The following RASAL2 variants were observed in gnomAD, a reference collection of about 807,000 sequenced individuals.
The protein encoded by RASAL2 is ras GTPase-activating protein nGAP.
In RASAL2, 58 loss-of-function variants were observed where a neutral mutation model predicts 128.9. The ratio of observed to expected loss-of-function variants is 0.45; its 90% CI spans 0.36 to 0.56. The LOEUF (loss-of-function observed/expected upper bound fraction) is 0.56, where lower values mean the gene tolerates loss of function less well. Ranked by LOEUF, RASAL2 falls within the 20% of genes least tolerant of loss-of-function variation. The pLI is 0.00. For missense variants in RASAL2, 1,360 were observed against 1,601.6 expected, an observed-to-expected ratio of 0.85 and a Z score of 2.57; for synonymous variants, 561 against 580.8, an observed-to-expected ratio of 0.97 and a Z score of 0.49.
intron 1 of RASAL2, among the ~76,000 whole-genome samples, chr1:178,236,158 C>G (rs887335987): frequency 1.3e-5 from 2 of 151,984 alleles, no homozygotes; most frequent in African/African-American, 4.8e-5. Flanking sequence ...ATATTAGGTG[C>G]AAAGGATCTG....
At position 178,467,375 on chromosome 1, in the gene RASAL2, A is replaced by G. The variant is rs1647833522; in HGVS notation, c.3632A>G (p.Glu1211Gly). ...VEEELKKDHA[E>G]MQAVIDAKQK... The stretch of plus-strand genomic sequence containing the variant: ...GAGGAACTGAAGAAGGATCATGCTG[A>G]GATGCAAGCAGTTATTGATGCAAAG... Residue 1211 changes from glutamate to glycine, a missense_variant, in exon 17 of 18, where the codon GAG becomes GGG. Physicochemically the swap from Glu to Gly is moderately conservative, Grantham distance 98. This residue lies in a region of RASAL2 where 741 missense variants were observed against 868.6 expected (regional missense o/e 0.85). Coordinates refer to ENST00000367649, the MANE Select transcript of RASAL2 (RefSeq NM_170692.4). 6.2e-7 allele frequency: 1 copy of G among 1,614,212 alleles called. No homozygotes were observed. Among genetic ancestry groups the G allele is most frequent in the Non-Finnish European group, 8.5e-7 (1 of 1,180,030 alleles).
At chr1:178,463,840 T>C (rs1647360253) in intron 14 of RASAL2, among the ~76,000 whole-genome samples, 1 of 152,198 alleles carries the variant, frequency 6.6e-6, no homozygotes, top group South Asian at 2.1e-4. Flanking sequence ...TCTGATTGTG[T>C]CTGGGCTAAA....
intron 1 of RASAL2, among the ~76,000 whole-genome samples, chr1:178,261,130 GA>G (rs1665674599): frequency 6.6e-6 from 1 of 152,212 alleles, no homozygotes; most frequent in African/African-American, 2.4e-5. Flanking sequence ...TAGTCTCTGT[GA>G]ATTCTCCCTT....
chr1:178,210,323 A>G (rs1663209353), intron 1 of RASAL2, among the ~76,000 whole-genome samples: 1 of 152,182 alleles, frequency 6.6e-6, no homozygotes, highest in South Asian at 2.1e-4. Context: ...TGTAATTCAA[A>G]CACATCATAT....
In RASAL2 at chr1:178,254,529, A is replaced by G. The variant is rs145322428; in HGVS notation, c.203-29035A>G. 8.3e-4 allele frequency among the ~76,000 whole-genome samples: 127 copies of G among 152,318 alleles called. 1 individual carries two copies. Among genetic ancestry groups the G allele is most frequent in the African/African-American group, 2.9e-3 (120 of 41,584 alleles). ...TACAATAAATGAAGAAAAACCTACA[A>G]AAGTTCAAGAAAACTTAGAAAAATA... On this transcript the variant is annotated intron_variant, in intron 1 of 17. Transcript: ENST00000367649.
chr1:178,317,393 T>C (rs2102321196), intron 3 of RASAL2, among the ~76,000 whole-genome samples: 1 of 146,092 alleles, frequency 6.8e-6, no homozygotes, highest in East Asian at 2.0e-4. Flanking sequence ...GTACCTCTGG[T>C]AGAATTCGGC....
chr1:178,321,176 C>T (rs1668753356), intron 3 of RASAL2, among the ~76,000 whole-genome samples: 1 of 152,048 alleles, frequency 6.6e-6, no homozygotes, highest in Non-Finnish European at 1.5e-5. Flanking sequence ...CTCCACCTCC[C>T]GGGTTCCATC....
At chr1:178,191,463 A>G (rs1412366273) in intron 1 of RASAL2, among the ~76,000 whole-genome samples, 1 of 152,216 alleles carries the variant, frequency 6.6e-6, no homozygotes, top group Non-Finnish European at 1.5e-5. Context: ...CTATTATTAT[A>G]TCCATCTTGA....
rs1670627804 is a variant in RASAL2 at position 178,353,427 on chromosome 1, GC to G, written c.458-36672del. ...CTAATGCATAACAAAAGTGACCTTT[GC>G]TCCAGTACCCAATAAGTTCCTCATC... On this transcript the variant is annotated intron_variant, in intron 3 of 17. Coordinates refer to ENST00000367649, the MANE Select transcript of RASAL2 (RefSeq NM_170692.4). Among the ~76,000 whole-genome samples, 5 of 152,282 alleles carry G rather than the reference GC, an allele frequency of 3.3e-5. No individual in the cohort carries two copies. The South Asian group carries it at 1.0e-3, about 32-fold the overall frequency.
chr1:178,375,043 A>G (rs1671915110), intron 3 of RASAL2, among the ~76,000 whole-genome samples: 1 of 152,158 alleles, frequency 6.6e-6, no homozygotes, highest in African/African-American at 2.4e-5. Context: ...AAATGAAAAT[A>G]AGGCAGTTCC....
chr1:178,236,533 A>G (rs971109730), intron 1 of RASAL2, among the ~76,000 whole-genome samples: 1 of 152,204 alleles, frequency 6.6e-6, no homozygotes, highest in Non-Finnish European at 1.5e-5. Flanking sequence ...TCTCAAGCCT[A>G]TAAAGATTAG....
intron 1 of RASAL2, among the ~76,000 whole-genome samples, chr1:178,192,009 A>G (rs1662511500): frequency 6.6e-6 from 1 of 152,184 alleles, no homozygotes; most frequent in Admixed American, 6.5e-5. Flanking sequence ...ACACATGCAT[A>G]CATTTCATAA....
intron 2 of RASAL2, among the ~76,000 whole-genome samples, chr1:178,285,037 T>G (rs1322694542): frequency 2.0e-5 from 3 of 151,734 alleles, no homozygotes; most frequent in Non-Finnish European, 4.4e-5. Context: ...TTTTTTAATG[T>G]GGTAACAATA....
At position 178,111,577 on chromosome 1, in the gene RASAL2, C is replaced by G. The variant is rs116171835; in HGVS notation, c.202+16883C>G. On this transcript the variant is annotated intron_variant, in intron 1 of 17. Transcript: ENST00000367649. ...GTGTATGTAAGTTCCATTTCCACAT[C>G]CTCATCAATACTTAATTTTAGCCAT... Among the ~76,000 whole-genome samples, 771 of 152,280 alleles carry G rather than the reference C, an allele frequency of 5.1e-3. 4 individuals are homozygous for G. The highest frequency in any genetic ancestry group is 0.018 in the African/African-American group (740 of 41,546).
intron 1 of RASAL2, among the ~76,000 whole-genome samples, chr1:178,134,720 G>T (rs1397109463): frequency 2.0e-5 from 3 of 152,138 alleles, no homozygotes; most frequent in Non-Finnish European, 4.4e-5. Flanking sequence ...ATTTCAAACA[G>T]GTGGGATCAA....
intron 4 of RASAL2, among the ~76,000 whole-genome samples, chr1:178,392,150 A>G (rs1390113602): frequency 1.3e-5 from 2 of 152,232 alleles, no homozygotes; most frequent in Non-Finnish European, 2.9e-5. Flanking sequence ...GACCCTATAT[A>G]TAGCCTAGTA....
intron 3 of RASAL2, among the ~76,000 whole-genome samples, chr1:178,326,111 C>T (rs916360831): frequency 1.3e-5 from 2 of 151,926 alleles, no homozygotes; most frequent in Non-Finnish European, 2.9e-5. Flanking sequence ...CGAGCAAGAC[C>T]CTGCCTCTAA....
intron 3 of RASAL2, among the ~76,000 whole-genome samples, chr1:178,346,778 A>G (rs531005574): frequency 1.8e-4 from 27 of 152,360 alleles, no homozygotes; most frequent in African/African-American, 6.3e-4. Context: ...CCAAAAATAT[A>G]GTATAAAGAA....
At chr1:178,137,974 T>C (rs1660388014) in intron 1 of RASAL2, among the ~76,000 whole-genome samples, 1 of 152,218 alleles carries the variant, frequency 6.6e-6, no homozygotes, top group African/African-American at 2.4e-5. Flanking sequence ...AGGGCAGGTG[T>C]TCTGGATTGC....
Sources: gnomAD v4.1 joint callset for allele counts (sites outside exome capture counted in the v4.1 genomes callset) on GRCh38, gnomAD v4.1.1 for gene constraint, gnomAD v4.1.1 regional missense constraint, MANE v1.5 for transcripts, NCBI Gene and HGNC (gene_info 2026-07-23, HGNC 2026-07-21) for gene names.